UTP15: variants seen among roughly 807,000 people sequenced by gnomAD.
UTP15 encodes U3 small nucleolar RNA-associated protein 15 homolog.
In UTP15, 5 loss-of-function variants were observed where a neutral mutation model predicts 59.1. The ratio of observed to expected loss-of-function variants is 0.08; its 90% CI spans 0.04 to 0.18. The LOEUF is 0.18. Ranked by LOEUF, UTP15 falls within the 10% of genes least tolerant of loss-of-function variation. The pLI is 1.00. For synonymous variants in UTP15, 211 were observed against 212.2 expected (o/e 0.99, Z 0.05); for missense variants, 494 against 616.7 (o/e 0.80, Z 2.11).
At chr5:73,574,423 C>T (rs1288913945) in intron 7 of UTP15, among the ~76,000 whole-genome samples, 1 of 151,846 alleles carries the variant, frequency 6.6e-6, no homozygotes, top group African/African-American at 2.4e-5. Context: ...AGCCACATTT[C>T]AAGTGGTCAG....
At chr5:73,571,268 T>C (rs1372838942) in intron 6 of UTP15, among the ~76,000 whole-genome samples, 1 of 151,132 alleles carries the variant, frequency 6.6e-6, no homozygotes, top group Non-Finnish European at 1.5e-5. Flanking sequence ...TGAGATCTAG[T>C]AGGCTTGTCT....
At chr5:73,578,991 C>T (rs767983364) in intron 10 of UTP15, 26 bp from the exon 11 acceptor site, 13 of 1,601,468 alleles carry the variant, frequency 8.1e-6, no homozygotes, top group Admixed American at 3.4e-5. Context: ...TTTGTCTACT[C>T]ATGTTGACTT....
At chr5:73,571,926 C>T (rs903518921) in intron 6 of UTP15, among the ~76,000 whole-genome samples, 2 of 152,162 alleles carry the variant, frequency 1.3e-5, no homozygotes, top group African/African-American at 2.4e-5. Flanking sequence ...ATTGTGACCT[C>T]GGGCAATCCC....
At chr5:73,573,937 A>G (rs892730712) in intron 7 of UTP15, among the ~76,000 whole-genome samples, 1 of 152,062 alleles carries the variant, frequency 6.6e-6, no homozygotes, top group African/African-American at 2.4e-5. Flanking sequence ...TATATATTAC[A>G]TATAAAATAT....
chr5:73,574,676 G>A (rs1191237844), intron 7 of UTP15, among the ~76,000 whole-genome samples: 1 of 151,964 alleles, frequency 6.6e-6, no homozygotes, highest in Non-Finnish European at 1.5e-5. Flanking sequence ...TTGTTGAGAT[G>A]GGGTTTTGCC....
At position 73,580,013 on chromosome 5, in the gene UTP15, C is replaced by T; in HGVS notation, c.1476C>T (p.Ala492=). 1.9e-6 allele frequency: 3 copies of T among 1,613,810 alleles called. No individual in the cohort carries two copies. The highest frequency in any genetic ancestry group is 1.3e-5 in the African/African-American group (1 of 75,008). Residue 492 remains alanine, a synonymous_variant, in exon 13 of 13, where the codon GCC becomes GCT. Transcript: ENST00000296792. The stretch of plus-strand genomic sequence containing the variant: ...TGGGGATGATGGATATGCTTTTTGC[C>T]ACCATGAGAAGGAAGGAAGGCACTT... The part of the protein sequence containing the change: ...ETLGMMDMLF[A]TMRRKEGTSV...
chr5:73,583,340 C>T lies in UTP15; in HGVS notation c.*3246C>T, dbSNP rs1356419432. The T allele has an allele frequency of 6.6e-6, 1 of 152,156 alleles. No individual in the cohort carries two copies. Among genetic ancestry groups the T allele is most frequent in the African/African-American group, 2.4e-5 (1 of 41,428 alleles). The allele number at this position is 152,156 out of a possible 1,614,324, so 9.4% of individuals were successfully genotyped here. A position where few individuals can be genotyped will look rare whatever the true frequency, so the allele number is the denominator to read the frequency against. ...AATGAACAAGAATGAAACCTAAGTGCAAAGAAAATAAAGATTATCCTGCTT... is the reference window on the plus strand; with the variant it reads ...AATGAACAAGAATGAAACCTAAGTGTAAAGAAAATAAAGATTATCCTGCTT... On this transcript the variant is annotated 3_prime_UTR_variant, in exon 13 of 13. Transcript: ENST00000296792.
intron 10 of UTP15, 71 bp downstream of exon 10, chr5:73,578,923 G>C: frequency 6.3e-7 from 1 of 1,598,668 alleles, no homozygotes; most frequent in Non-Finnish European, 8.6e-7. Context: ...GAACTGTGAA[G>C]ATAAATATTA....
Position 73,572,495 on chromosome 5 carries a change from G to A in UTP15, c.680G>A (p.Arg227His), listed in dbSNP as rs778348611. The change falls in exon 7 of 13, where the codon CGT becomes CAT. Residue 227 changes from arginine (R) to histidine (H), a missense_variant. Physicochemically the swap from Arg to His is conservative, Grantham distance 29 (BLOSUM62 0). Transcript: ENST00000296792. ...SGGLLVSAGG[R>H]YVKVWDMLKG... ...CGATGATTTCTTTTTATAGGAGGTC[G>A]TTATGTTAAAGTCTGGGACATGTTA... The A allele has an allele frequency of 2.3e-5, 37 of 1,612,756 alleles. No homozygotes were observed. The Middle Eastern group carries it at 4.9e-4, about 22-fold the overall frequency.
Position 73,569,689 on chromosome 5 carries a change from A to G in UTP15, c.547+14A>G. Reference sequence around the variant, plus strand: ...TCTTTATAACAGGTTGGTGAACTCTATTCCCTCCTGAAGCAAATAATCTCA... The same window carrying G: ...TCTTTATAACAGGTTGGTGAACTCTGTTCCCTCCTGAAGCAAATAATCTCA... On this transcript the variant is annotated intron_variant, in intron 5 of 12. Transcript: ENST00000296792. 1 of 1,574,212 alleles carries G rather than the reference A, an allele frequency of 6.4e-7. No homozygotes were observed. Among genetic ancestry groups the G allele is most frequent in the Non-Finnish European group, 8.6e-7 (1 of 1,159,890 alleles).
In UTP15 at chr5:73,577,848, G is replaced by A. The variant is rs2112057024; in HGVS notation, c.895-8G>A. ...AATAGACTAACTTATTTTTCTAATT[G>A]TTATTAGCATGAAGATGAGACAATA... is the stretch of plus-strand genomic sequence containing the variant. On this transcript the variant is annotated splice_region_variant and splice_polypyrimidine_tract_variant and intron_variant, in intron 8 of 12. Transcript: ENST00000296792. 6.4e-7 allele frequency: 1 copy of A among 1,573,342 alleles called. No individual in the cohort carries two copies. Among genetic ancestry groups the A allele is most frequent in the Non-Finnish European group, 8.6e-7 (1 of 1,166,828 alleles).
At position 73,582,250 on chromosome 5, in the gene UTP15, T is replaced by C. The variant is rs959588220; in HGVS notation, c.*2156T>C. ...GTTTGCCTGCTGGGGCCTAAACTCC[T>C]CATTCCCTTTAACAAAGCTTCACTG... is the stretch of plus-strand genomic sequence containing the variant. On this transcript the variant is annotated 3_prime_UTR_variant, in exon 13 of 13. Transcript: ENST00000296792. The C allele has an allele frequency of 2.6e-5, 4 of 152,228 alleles. No individual in the cohort carries two copies. The highest frequency in any genetic ancestry group is 5.9e-5 in the Non-Finnish European group (4 of 68,042). The allele number at this position is 152,228 out of a possible 1,614,324, so 9.4% of individuals were successfully genotyped here. A position where few individuals can be genotyped will look rare whatever the true frequency, so the allele number is the denominator to read the frequency against.
At chr5:73,578,441 A>T (rs1748165044) in intron 9 of UTP15, 1 of 325,574 alleles carries the variant, frequency 3.1e-6, no homozygotes, top group African/African-American at 2.1e-5. Context: ...TTTCTACTGT[A>T]CCACACTGCC....
At chr5:73,573,598 A>G (rs1465357239) in intron 7 of UTP15, among the ~76,000 whole-genome samples, 1 of 135,580 alleles carries the variant, frequency 7.4e-6, no homozygotes, top group Non-Finnish European at 1.5e-5. Flanking sequence ...TTTTTTTGAG[A>G]TGACATCTCG....
chr5:73,577,871 A>G lies in UTP15; in HGVS notation c.910A>G (p.Ile304Val). The G allele has an allele frequency of 1.9e-6, 3 of 1,587,444 alleles. No homozygotes were observed. Among genetic ancestry groups the G allele is most frequent in the Non-Finnish European group, 2.6e-6 (3 of 1,171,854 alleles). ...SLALAHEDET[I>V]VVGMTNGILS... ...TTGTTATTAGCATGAAGATGAGACAATAGTTGTAGGAATGACCAATGGAAT... is the reference window on the plus strand; with the variant it reads ...TTGTTATTAGCATGAAGATGAGACAGTAGTTGTAGGAATGACCAATGGAAT... The change falls in exon 9 of 13, where the codon ATA (isoleucine) becomes GTA (valine). Residue 304 changes from isoleucine to valine, a missense_variant. Transcript: ENST00000296792.
At position 73,570,599 on chromosome 5, in the gene UTP15, T is replaced by C. The variant is rs527688370; in HGVS notation, c.561T>C (p.His187=). The C allele has an allele frequency of 3.1e-6, 5 of 1,614,050 alleles. No homozygotes were observed. Among genetic ancestry groups the C allele is most frequent in the Non-Finnish European group, 4.2e-6 (5 of 1,180,006 alleles). ...PDLFITGSYD[H]TVKMFDARTS... is the part of the protein sequence containing the mutation. ...TTGACATTTTAGGATCATATGATCA[T>C]ACTGTGAAGATGTTTGATGCACGAA... is the stretch of plus-strand genomic sequence containing the variant. The change falls in exon 6 of 13, where the codon CAT becomes CAC. Residue 187 remains histidine, a synonymous_variant. Coordinates refer to ENST00000296792, the MANE Select transcript of UTP15 (RefSeq NM_032175.4).
chr5:73,580,043 G>A lies in UTP15; in HGVS notation c.1506G>A (p.Val502=), dbSNP rs1748250314. Residue 502 remains valine, a synonymous_variant, in exon 13 of 13, where the codon GTG becomes GTA. Transcript: ENST00000296792. ...TGAGAAGGAAGGAAGGCACTTCTGT[G>A]TTGGAACACACATCTGATGGATTTC... ...ATMRRKEGTS[V]LEHTSDGFPE... 1 of 1,613,872 alleles carries A rather than the reference G, an allele frequency of 6.2e-7. No individual in the cohort carries two copies. Among genetic ancestry groups the A allele is most frequent in the Non-Finnish European group, 8.5e-7 (1 of 1,179,830 alleles).
chr5:73,577,833 C>T (rs374322138), intron 8 of UTP15, 23 bp from the exon 9 acceptor site: 25 of 1,565,630 alleles, frequency 1.6e-5, no homozygotes, highest in Non-Finnish European at 1.7e-5. Flanking sequence ...AATAGACTAA[C>T]TTATTTTTCT....
At chr5:73,573,070 ACAGGCGTGAGCCACCACAC>A (rs1747989217) in intron 7 of UTP15, among the ~76,000 whole-genome samples, 2 of 152,130 alleles carry the variant, frequency 1.3e-5, no homozygotes, top group Admixed American at 6.5e-5. Flanking sequence ...TGCTGGGATT[ACAGGCGTGAGCCACCACAC>A]CCGGCCACCC....
Sources: gnomAD v4.1 joint callset for allele counts (sites outside exome capture counted in the v4.1 genomes callset) on GRCh38, gnomAD v4.1.1 for gene constraint, MANE v1.5 for transcripts, NCBI Gene and HGNC (gene_info 2026-07-23, HGNC 2026-07-21) for gene names.